The following ZBTB4 variants were observed in gnomAD, a reference collection of about 807,000 sequenced individuals.
ZBTB4 encodes the protein zinc finger and BTB domain-containing protein 4.
ZBTB4 carries 14 observed loss-of-function variants against 59.8 expected under a neutral mutation model. That is an observed-to-expected ratio of 0.23 (90% confidence interval 0.15 to 0.37). The LOEUF (loss-of-function observed/expected upper bound fraction) is 0.37. Ranked by LOEUF, ZBTB4 falls within the 10% of genes least tolerant of loss-of-function variation. The pLI, the probability that ZBTB4 is intolerant of heterozygous loss-of-function variation, is 1.00. For synonymous variants in ZBTB4, 587 were observed against 575.2 expected, an observed-to-expected ratio of 1.02 and a Z score of -0.29; for missense variants, 1,198 against 1,380.8, an observed-to-expected ratio of 0.87 and a Z score of 2.10.
Position 7,462,069 on chromosome 17 carries a change from T to C in ZBTB4, c.2913A>G (p.Ala971=). The part of the protein sequence containing the change: ...LPFLPGVFGY[A]VNPQAAPPAP... ...CAGGGGGTGCTGCTTGAGGATTCAC[T>C]GCGTAGCCAAAGACCCCTGGTAGGA... The change falls in exon 4 of 4, where the codon GCA becomes GCG. Residue 971 remains alanine (A), a synonymous_variant. Coordinates refer to ENST00000380599, the MANE Select transcript of ZBTB4 (RefSeq NM_001128833.2). This position sits in a 1 kb window ranked among gnomAD's most constrained non-coding sequence, Gnocchi z 7.5. The C allele has an allele frequency of 6.3e-7, 1 of 1,599,572 alleles. No homozygotes were observed. The highest frequency in any genetic ancestry group is 8.5e-7 in the Non-Finnish European group (1 of 1,172,506).
chr17:7,476,551 C>T (rs1027424806), intron 1 of ZBTB4, among the ~76,000 whole-genome samples: 10 of 152,300 alleles, frequency 6.6e-5, no homozygotes, highest in Middle Eastern at 3.4e-3. Flanking sequence ...ACCTTCATGC[C>T]TTTGCCTGTG....
intron 1 of ZBTB4, among the ~76,000 whole-genome samples, chr17:7,467,991 C>CA (rs945194073): frequency 6.6e-6 from 1 of 152,192 alleles, no homozygotes; most frequent in African/African-American, 2.4e-5. Flanking sequence ...ACGCCTTACT[C>CA]AGAGACCTGA....
chr17:7,481,991 G>T (rs751354815), upstream of ZBTB4: 6 of 1,590,524 alleles, frequency 3.8e-6, no homozygotes, highest in Admixed American at 1.0e-4. Context: ...CTAACAGGCT[G>T]GCAGTCACCC....
chr17:7,460,478 C>T lies in ZBTB4; in HGVS notation c.*1462G>A, dbSNP rs942610903. On this transcript the variant is annotated 3_prime_UTR_variant, in exon 4 of 4. Coordinates refer to ENST00000380599, the MANE Select transcript of ZBTB4 (RefSeq NM_001128833.2). ...TGCCATTTTGATGACAGCAACTTTT[C>T]CTTTTAAAACTGCACTCCTCTAATT... 5 of 152,322 alleles carry T rather than the reference C, an allele frequency of 3.3e-5. No homozygotes were observed. Among genetic ancestry groups the T allele is most frequent in the African/African-American group, 4.8e-5 (2 of 41,440 alleles). The allele number at this position is 152,322 out of a possible 1,614,324, so 9.4% of individuals were successfully genotyped here. A position where few individuals can be genotyped will look rare whatever the true frequency, so the allele number is the denominator to read the frequency against.
intron 3 of ZBTB4, among the ~76,000 whole-genome samples, chr17:7,464,919 G>T (rs1478321372): frequency 6.6e-6 from 1 of 151,578 alleles, no homozygotes; most frequent in African/African-American, 2.4e-5. Context: ...CACTTTGGGA[G>T]GCCAAGGCGG....
At chr17:7,479,688 A>C (rs1263826105), upstream of ZBTB4, 8 of 33,888 alleles carry the variant, frequency 2.4e-4, no homozygotes, top group East Asian at 2.0e-3. Flanking sequence ...GTCCCCCCCC[A>C]GCGCCGCCGC....
In ZBTB4 at chr17:7,461,952, G is replaced by A. The variant is rs376572108; in HGVS notation, c.3030C>T (p.Gly1010=). ...TGAGCCCCAGGGTTCACCCCACATC[G>A]CCCTTCTGGGTTCTCTCAACCCCTG... The part of the protein sequence containing the change: ...ERAGVERTQK[G]DVG Residue 1010 remains glycine (G), a synonymous_variant, in exon 4 of 4, where the codon GGC becomes GGT. Transcript: ENST00000380599. 9.0e-6 allele frequency: 14 copies of A among 1,549,500 alleles called. No homozygotes were observed. The highest frequency in any genetic ancestry group is 2.5e-5 in the South Asian group (2 of 80,664).
chr17:7,469,503 C>T (rs1224304780), intron 1 of ZBTB4, among the ~76,000 whole-genome samples: 1 of 150,734 alleles, frequency 6.6e-6, no homozygotes, highest in Non-Finnish European at 1.5e-5. Context: ...TGGCTCATGC[C>T]CGTAATCCCA....
rs535274113 is a variant in ZBTB4, at chr17:7,470,007, G to A, written c.-80-2680C>T. Among the ~76,000 whole-genome samples the A allele has an allele frequency of 7.3e-5, 11 of 151,182 alleles. No homozygotes were observed. In the East Asian group the frequency reaches 1.4e-3, roughly 19 times the overall value. On this transcript the variant is annotated intron_variant, in intron 1 of 3. Coordinates refer to ENST00000380599, the MANE Select transcript of ZBTB4 (RefSeq NM_001128833.2). Reference sequence around the variant, plus strand: ...TGGGGCAGGAGAATCACTTGAATCCGGGAGGCGGAGGTTGCAGTGAGCCGA... The same window carrying A: ...TGGGGCAGGAGAATCACTTGAATCCAGGAGGCGGAGGTTGCAGTGAGCCGA...
intron 1 of ZBTB4, among the ~76,000 whole-genome samples, chr17:7,475,367 A>G (rs1303426989): frequency 2.6e-5 from 4 of 152,074 alleles, no homozygotes; most frequent in Non-Finnish European, 5.9e-5. Context: ...GAAACCATAA[A>G]TAAGTTGACC....
Position 7,473,057 on chromosome 17 carries a change from A to T in ZBTB4, c.-80-5730T>A, listed in dbSNP as rs7209619. 4.8e-5 allele frequency among the ~76,000 whole-genome samples: 7 copies of T among 144,960 alleles called. No homozygotes were observed. In the East Asian group the frequency reaches 6.2e-4, roughly 13 times the overall value. On this transcript the variant is annotated intron_variant, in intron 1 of 3. Coordinates refer to ENST00000380599, the MANE Select transcript of ZBTB4 (RefSeq NM_001128833.2). ...GCAACCTCCGCCTCCCGGGTTCAAG[A>T]GATTCTCCTGCCTCAACCTCACGAG... is the stretch of plus-strand genomic sequence containing the variant.
intron 1 of ZBTB4, among the ~76,000 whole-genome samples, chr17:7,472,193 T>C (rs1482748776): frequency 6.6e-6 from 1 of 152,068 alleles, no homozygotes; most frequent in African/African-American, 2.4e-5. Context: ...AGTAACACTT[T>C]TTCTTTTTTT....
chr17:7,475,107 T>A (rs1198248742), intron 1 of ZBTB4, among the ~76,000 whole-genome samples: 2 of 145,874 alleles, frequency 1.4e-5, no homozygotes, highest in Non-Finnish European at 3.0e-5. Context: ...TCACCTGAGG[T>A]CAGGGATTGA....
chr17:7,466,648 T>G lies in ZBTB4; in HGVS notation c.154A>C (p.Ser52Arg). ...PAHRSVLAAS[S>R]PFFREALLTS... ...AGCAGGGCCTCTCTGAAGAAGGGAC[T>G]TGAAGCAGCCAGGACGCTGCGGTGA... Residue 52 changes from serine (S) to arginine (R), a missense_variant, in exon 3 of 4, where the codon AGT becomes CGT. Around this residue, in one of 9 missense-constraint regions of ZBTB4, gnomAD observed 44 missense variants for 86.2 expected, o/e 0.51. Transcript: ENST00000380599. The surrounding 1 kb of genome is among the most constrained non-coding windows in gnomAD (Gnocchi z 9.1). The G allele has an allele frequency of 6.2e-7, 1 of 1,613,828 alleles. No individual in the cohort carries two copies. The highest frequency in any genetic ancestry group is 8.5e-7 in the Non-Finnish European group (1 of 1,179,952).
chr17:7,468,716 C>A (rs755845592), intron 1 of ZBTB4, among the ~76,000 whole-genome samples: 5 of 152,102 alleles, frequency 3.3e-5, no homozygotes, highest in Non-Finnish European at 7.4e-5. Context: ...CAGAGGTGTC[C>A]GGCATCAGGA....
intron 1 of ZBTB4, among the ~76,000 whole-genome samples, chr17:7,478,625 AG>A (rs2070301737): frequency 6.6e-6 from 1 of 152,230 alleles, no homozygotes; most frequent in African/African-American, 2.4e-5. Context: ...GTTCATAAAC[AG>A]GTCATAGGTG....
At chr17:7,480,920 G>C (rs968384793), upstream of ZBTB4, among the ~76,000 whole-genome samples, 1 of 76,054 alleles carries the variant, frequency 1.3e-5, no homozygotes, top group Non-Finnish European at 3.0e-5. Flanking sequence ...TTTGGGAGGC[G>C]GGGGGTGGTG....
At chr17:7,474,743 G>GGC (rs2150863505) in intron 1 of ZBTB4, among the ~76,000 whole-genome samples, 1 of 152,194 alleles carries the variant, frequency 6.6e-6, no homozygotes, top group East Asian at 1.9e-4. Flanking sequence ...CAGGCACAGT[G>GGC]GCGCACACCT....
rs527396846 is a variant in ZBTB4 at position 7,461,845 on chromosome 17, A to T, written c.*95T>A. The T allele has an allele frequency of 1.0e-4, 122 of 1,176,528 alleles. No homozygotes were observed. The highest frequency in any genetic ancestry group is 1.4e-4 in the Non-Finnish European group (116 of 834,680). 72.9% of individuals were successfully genotyped at this position (1,176,528 alleles called of 1,614,324 possible). A position where few individuals can be genotyped will look rare whatever the true frequency, so the allele number is the denominator to read the frequency against. ...CCCAAGTCCCTGCACAAGAGTGTGA[A>T]GGGGCTCCCAAGGGGCAGGGAGGCC... On this transcript the variant is annotated 3_prime_UTR_variant, in exon 4 of 4. Transcript: ENST00000380599.
Sources: gnomAD v4.1 joint callset for allele counts (sites outside exome capture counted in the v4.1 genomes callset) on GRCh38, gnomAD v4.1.1 for gene constraint, gnomAD v4.1.1 regional missense constraint, Gnocchi (gnomAD v3.1) non-coding constraint, MANE v1.5 for transcripts, NCBI Gene and HGNC (gene_info 2026-07-23, HGNC 2026-07-21) for gene names.